ITGB3BP: variants seen among roughly 807,000 people sequenced by gnomAD.
ITGB3BP encodes the protein centromere protein R.
In ITGB3BP, 27 loss-of-function variants were observed where a neutral mutation model predicts 29.1. That is an observed-to-expected ratio of 0.93 (90% CI 0.68 to 1.28). The LOEUF (loss-of-function observed/expected upper bound fraction) is 1.28. Ranked by LOEUF, ITGB3BP falls within the 50% of genes most tolerant of loss-of-function variation. ITGB3BP has a pLI of 0.00. For synonymous variants in ITGB3BP, 61 were observed against 61.4 expected (o/e 0.99, Z 0.03); for missense variants, 192 against 200.2 (o/e 0.96, Z 0.25).
intron 1 of ITGB3BP, among the ~76,000 whole-genome samples, chr1:63,517,700 C>T: frequency 6.6e-6 from 1 of 151,930 alleles, no homozygotes; most frequent in East Asian, 1.9e-4. Context: ...ATTGTTGAAT[C>T]ATTAATTTTA....
chr1:63,499,158 T>C (rs1467127552), intron 2 of ITGB3BP, among the ~76,000 whole-genome samples: 1 of 8,458 alleles, frequency 1.2e-4, no homozygotes, highest in Non-Finnish European at 5.1e-4. Flanking sequence ...CCACTAGCGT[T>C]TTTTTTTTTT....
chr1:63,490,289 T>TA lies in ITGB3BP; in HGVS notation c.49-72dup, dbSNP rs200029163. 3.9e-3 allele frequency: 4,380 copies of TA among 1,121,416 alleles called. 127 individuals carry two copies. In the African/African-American group the frequency reaches 0.062, roughly 16 times the overall value. The allele number at this position is 1,121,416 out of a possible 1,614,324, so 69.5% of individuals were successfully genotyped here. ...ATAGATCTTTGAAATTATATACCAT[T>TA]AAAAAATCAGCAAAATTCAAACTTG... On this transcript the variant is annotated intron_variant, in intron 2 of 8. Coordinates refer to ENST00000271002, the MANE Select transcript of ITGB3BP (RefSeq NM_014288.5).
At chr1:63,492,182 A>G (rs1201997280) in intron 2 of ITGB3BP, among the ~76,000 whole-genome samples, 1 of 118,684 alleles carries the variant, frequency 8.4e-6, no homozygotes, top group Non-Finnish European at 1.7e-5. Flanking sequence ...GTGAGTGTGC[A>G]TGTGCTCTGT....
intron 8 of ITGB3BP, among the ~76,000 whole-genome samples, chr1:63,443,374 A>C (rs1238128460): frequency 6.6e-6 from 1 of 152,192 alleles, no homozygotes; most frequent in African/African-American, 2.4e-5. Context: ...AATTTTGACA[A>C]TAATGAGGGA....
At chr1:63,526,993 G>C (rs749736008), upstream of ITGB3BP, among the ~76,000 whole-genome samples, 2 of 152,232 alleles carry the variant, frequency 1.3e-5, no homozygotes, top group Non-Finnish European at 2.9e-5. Context: ...TCGAGCTCCT[G>C]ACCTCAGGTG....
At chr1:63,452,647 T>TAAA (rs145593230) in intron 7 of ITGB3BP, among the ~76,000 whole-genome samples, 18 of 150,464 alleles carry the variant, frequency 1.2e-4, no homozygotes, top group South Asian at 8.4e-4. Context: ...TTTTTTTTTT[T>TAAA]AAAAGATCCC....
intron 4 of ITGB3BP, among the ~76,000 whole-genome samples, chr1:63,466,862 T>C (rs76059380): frequency 0.021 from 3,251 of 152,272 alleles, 123 homozygotes; most frequent in African/African-American, 0.074. Flanking sequence ...TTAGTGGTAA[T>C]GGAGTATTGC....
At chr1:63,444,224 A>G (rs1012015760) in intron 8 of ITGB3BP, among the ~76,000 whole-genome samples, 1 of 152,088 alleles carries the variant, frequency 6.6e-6, no homozygotes, top group Non-Finnish European at 1.5e-5. Flanking sequence ...ACACAAAGCT[A>G]TTCTCAGTAC....
In ITGB3BP at chr1:63,490,166, G is replaced by T. The variant is rs1645615950; in HGVS notation, c.101C>A (p.Pro34Gln). 6.3e-7 allele frequency: 1 copy of T among 1,598,560 alleles called. No individual in the cohort carries two copies. Among genetic ancestry groups the T allele is most frequent in the Non-Finnish European group, 8.6e-7 (1 of 1,167,062 alleles). Residue 34 changes from proline (P) to glutamine (Q), a missense_variant, in exon 3 of 9, where the codon CCA becomes CAA. Pro to Gln is a moderately conservative substitution (Grantham distance 76). Transcript: ENST00000271002. The stretch of plus-strand genomic sequence containing the variant: ...ACTCATTTGACAAGTTCCAGTTGTT[G>T]GAGAATAAGTTATAACACTTTTCTT... The part of the protein sequence containing the change: ...TRKKSVITYS[P>Q]TTGTCQMSLF...
intron 1 of ITGB3BP, among the ~76,000 whole-genome samples, chr1:63,517,180 TA>T (rs1646351298): frequency 6.6e-6 from 1 of 151,666 alleles, no homozygotes; most frequent in South Asian, 2.1e-4. Flanking sequence ...ACAGTAGAAA[TA>T]AAAAAAGAGC....
intron 7 of ITGB3BP, chr1:63,451,961 T>C (rs1644866233): frequency 6.6e-6 from 1 of 152,122 alleles, no homozygotes. Flanking sequence ...TTTAAATCAA[T>C]GATTATTAGA....
chr1:63,525,844 G>T, upstream of ITGB3BP: 1 of 916,314 alleles, frequency 1.1e-6, no homozygotes. Context: ...GAATTACCTT[G>T]TTGAATCATC....
At chr1:63,524,852 A>G (rs1249751508), upstream of ITGB3BP, among the ~76,000 whole-genome samples, 2 of 152,236 alleles carry the variant, frequency 1.3e-5, no homozygotes, top group African/African-American at 2.4e-5. Context: ...GACAAGATGT[A>G]TGACAGTTCT....
Position 63,465,420 on chromosome 1 carries a change from A to T in ITGB3BP, c.255-10452T>A, listed in dbSNP as rs547577905. ...TATTTATAGATATTTTACCCGTGGGATTTTTTTCTTTTTTTTTTTCTTGAT... is the reference window on the plus strand; with the variant it reads ...TATTTATAGATATTTTACCCGTGGGTTTTTTTTCTTTTTTTTTTTCTTGAT... On this transcript the variant is annotated intron_variant, in intron 4 of 8. Coordinates refer to ENST00000271002, the MANE Select transcript of ITGB3BP (RefSeq NM_014288.5). 4.0e-5 allele frequency among the ~76,000 whole-genome samples: 6 copies of T among 151,216 alleles called. No individual in the cohort carries two copies. In the East Asian group the frequency reaches 1.2e-3, roughly 29 times the overall value.
intron 3 of ITGB3BP, among the ~76,000 whole-genome samples, chr1:63,484,239 T>G (rs1179113102): frequency 1.3e-5 from 2 of 152,118 alleles, no homozygotes; most frequent in African/African-American, 4.8e-5. Context: ...AATCCTGAGA[T>G]AATTTAAAGT....
chr1:63,523,455 G>C (rs1006289536), upstream of ITGB3BP: 2 of 437,130 alleles, frequency 4.6e-6, no homozygotes, highest in Admixed American at 3.8e-5. Context: ...CCGGATCAGC[G>C]CTTCCTAGAT....
intron 2 of ITGB3BP, among the ~76,000 whole-genome samples, chr1:63,507,371 A>T (rs1425143046): frequency 1.3e-5 from 2 of 152,216 alleles, no homozygotes; most frequent in Non-Finnish European, 2.9e-5. Context: ...TGAAGAAAAA[A>T]TACAAAGAAG....
At chr1:63,500,078 T>G (rs1645887108) in intron 2 of ITGB3BP, among the ~76,000 whole-genome samples, 1 of 152,158 alleles carries the variant, frequency 6.6e-6, no homozygotes, top group South Asian at 2.1e-4. Flanking sequence ...ATCTTATATA[T>G]AGAATACCCT....
intron 7 of ITGB3BP, among the ~76,000 whole-genome samples, chr1:63,453,287 G>A (rs1367486580): frequency 8.5e-5 from 13 of 152,146 alleles, no homozygotes; most frequent in Non-Finnish European, 1.8e-4. Flanking sequence ...CCATTTTAAG[G>A]CCTAATTCCA....
Sources: gnomAD v4.1 joint callset for allele counts (sites outside exome capture counted in the v4.1 genomes callset) on GRCh38, gnomAD v4.1.1 for gene constraint, MANE v1.5 for transcripts, NCBI Gene and HGNC (gene_info 2026-07-23, HGNC 2026-07-21) for gene names.